ANKMY2: variants seen among roughly 807,000 people sequenced by gnomAD.
ANKMY2 encodes ankyrin repeat and MYND domain containing 2.
In ANKMY2, 36 loss-of-function variants were observed where a neutral mutation model predicts 50.4. The observed-to-expected ratio is 0.71, with a 90% CI of 0.55 to 0.94. ANKMY2 has a LOEUF of 0.94. ANKMY2 is among the 40% of genes least tolerant of loss of function. ANKMY2 has a pLI of 0.00. For missense variants in ANKMY2, 565 were observed against 524.0 expected, an observed-to-expected ratio of 1.08 and a Z score of -0.76; for synonymous variants, 187 against 178.8, an observed-to-expected ratio of 1.05 and a Z score of -0.36.
chr7:16,636,302 CAAAAAAAAAAA>C (rs376207917), intron 2 of ANKMY2, 78 bp downstream of exon 2: 47 of 214,436 alleles, frequency 2.2e-4, no homozygotes, highest in South Asian at 3.1e-4. Context: ...CACTCCATCT[CAAAAAAAAAAA>C]AAAAAAAAAA....
chr7:16,632,961 T>A (rs1287499365), intron 2 of ANKMY2, among the ~76,000 whole-genome samples: 2 of 152,220 alleles, frequency 1.3e-5, no homozygotes, highest in Non-Finnish European at 2.9e-5. Flanking sequence ...TATGAAGTGG[T>A]ATTTCATTGT....
chr7:16,601,109 G>C (rs983995769), intron 9 of ANKMY2, among the ~76,000 whole-genome samples, 164 bp from the exon 10 acceptor site: 3 of 152,216 alleles, frequency 2.0e-5, no homozygotes, highest in African/African-American at 7.2e-5. Context: ...TGAGAAGAGA[G>C]AGGTTTGGTA....
intron 2 of ANKMY2, among the ~76,000 whole-genome samples, chr7:16,632,192 T>C (rs936677853): frequency 1.3e-5 from 2 of 151,798 alleles, no homozygotes; most frequent in South Asian, 2.1e-4. Flanking sequence ...GCTGTATCTA[T>C]ATTTTGGTTT....
intron 1 of ANKMY2, among the ~76,000 whole-genome samples, chr7:16,642,600 C>G (rs931799204): frequency 2.0e-5 from 3 of 150,808 alleles, no homozygotes; most frequent in Non-Finnish European, 4.4e-5. Flanking sequence ...GTTCAAAGTA[C>G]TAGAACTTAT....
chr7:16,633,050 T>C (rs1216166491), intron 2 of ANKMY2, among the ~76,000 whole-genome samples: 1 of 152,218 alleles, frequency 6.6e-6, no homozygotes, highest in African/African-American at 2.4e-5. Flanking sequence ...TATATCTTCT[T>C]TGGAGCAATA....
At chr7:16,629,678 G>GA (rs993225406) in intron 2 of ANKMY2, among the ~76,000 whole-genome samples, 3 of 151,914 alleles carry the variant, frequency 2.0e-5, no homozygotes, top group African/African-American at 4.8e-5. Context: ...CTGGGTATTA[G>GA]AAAAAAAACT....
intron 7 of ANKMY2, among the ~76,000 whole-genome samples, chr7:16,606,295 G>A (rs1430594248): frequency 6.6e-6 from 1 of 152,138 alleles, no homozygotes; most frequent in Non-Finnish European, 1.5e-5. Flanking sequence ...GCCAGGCATG[G>A]TGGCACGCCT....
At chr7:16,608,879 T>C (rs1007416486) in intron 7 of ANKMY2, among the ~76,000 whole-genome samples, 5 of 152,088 alleles carry the variant, frequency 3.3e-5, no homozygotes, top group Admixed American at 1.3e-4. Context: ...CGCGCACCTA[T>C]AGTCCCAGCC....
intron 6 of ANKMY2, 109 bp downstream of exon 6, chr7:16,610,440 A>G (rs1781229410): frequency 3.6e-6 from 3 of 823,316 alleles, no homozygotes; most frequent in Non-Finnish European, 5.7e-6. Flanking sequence ...GTCCAACAAC[A>G]GCAATTGCTG....
intron 3 of ANKMY2, 52 bp downstream of exon 3, chr7:16,626,988 C>T (rs1306498955): frequency 4.2e-6 from 6 of 1,433,070 alleles, no homozygotes; most frequent in Non-Finnish European, 5.6e-6. Flanking sequence ...TATATATGTA[C>T]TTATAACAAG....
At chr7:16,630,604 T>C (rs1018925575) in intron 2 of ANKMY2, among the ~76,000 whole-genome samples, 9 of 152,218 alleles carry the variant, frequency 5.9e-5, no homozygotes, top group Admixed American at 1.3e-4. Flanking sequence ...GAGTGCTTAA[T>C]ACATGTCAGA....
intron 1 of ANKMY2, among the ~76,000 whole-genome samples, chr7:16,645,224 C>T (rs912357458): frequency 2.0e-5 from 3 of 152,154 alleles, no homozygotes; most frequent in Admixed American, 6.5e-5. Flanking sequence ...GGGAAGCTCG[C>T]ATTAACCTAA....
chr7:16,633,561 A>C (rs891104997), intron 2 of ANKMY2, among the ~76,000 whole-genome samples: 2 of 152,272 alleles, frequency 1.3e-5, no homozygotes, highest in African/African-American at 4.8e-5. Context: ...CAAAAAAACA[A>C]ATTCCAAGAT....
At chr7:16,623,127 T>G (rs2128344254) in intron 4 of ANKMY2, among the ~76,000 whole-genome samples, 1 of 152,264 alleles carries the variant, frequency 6.6e-6, no homozygotes, top group Non-Finnish European at 1.5e-5. Flanking sequence ...GGGTGGCATT[T>G]TTAAAAAATG....
chr7:16,644,037 A>G (rs147933787), intron 1 of ANKMY2, among the ~76,000 whole-genome samples: 1 of 152,280 alleles, frequency 6.6e-6, no homozygotes, highest in African/African-American at 2.4e-5. Flanking sequence ...AGAGCGAGAG[A>G]GAGAGAGGAC....
chr7:16,611,098 G>A (rs946326513), intron 5 of ANKMY2, among the ~76,000 whole-genome samples: 2 of 152,062 alleles, frequency 1.3e-5, no homozygotes, highest in African/African-American at 4.8e-5. Flanking sequence ...TGACAAATTT[G>A]TACATTTTAC....
intron 5 of ANKMY2, among the ~76,000 whole-genome samples, chr7:16,613,850 C>T (rs777417024): frequency 9.4e-5 from 14 of 148,364 alleles, no homozygotes; most frequent in South Asian, 2.2e-4. Context: ...GCAGGAGAAT[C>T]GCTTTAACCT....
Position 16,624,970 on chromosome 7 carries a change from A to C in ANKMY2, c.370+13T>G, listed in dbSNP as rs367727848. ...TGGGTATAATCTAATGCAAAACTGC[A>C]GCAAAATCTCACCCACAAAGGCTGC... On this transcript the variant is annotated intron_variant, in intron 4 of 9. Coordinates refer to ENST00000306999, the MANE Select transcript of ANKMY2 (RefSeq NM_020319.3). 3 of 1,611,506 alleles carry C rather than the reference A, an allele frequency of 1.9e-6. No individual in the cohort carries two copies. Among genetic ancestry groups the C allele is most frequent in the Non-Finnish European group, 2.5e-6 (3 of 1,178,566 alleles).
chr7:16,612,204 G>A (rs932507483), intron 5 of ANKMY2, among the ~76,000 whole-genome samples: 2 of 152,118 alleles, frequency 1.3e-5, no homozygotes, highest in Non-Finnish European at 2.9e-5. Flanking sequence ...GGAACAACAG[G>A]TAGATTTCCT....
Sources: gnomAD v4.1 joint callset for allele counts (sites outside exome capture counted in the v4.1 genomes callset) on GRCh38, gnomAD v4.1.1 for gene constraint, MANE v1.5 for transcripts, NCBI Gene and HGNC (gene_info 2026-07-23, HGNC 2026-07-21) for gene names.